The following AFF3 variants were observed in gnomAD, a reference collection of about 807,000 sequenced individuals.
The protein encoded by AFF3 is ALF transcription elongation factor 3.
A neutral mutation model predicts 129.7 loss-of-function variants in AFF3; 32 were observed. That is an observed-to-expected ratio of 0.25 (90% CI 0.19 to 0.33). The LOEUF is 0.33. Ranked by LOEUF, AFF3 falls within the 10% of genes least tolerant of loss-of-function variation. The probability of loss-of-function intolerance (pLI) is 1.00; values close to 1 mark genes in which losing one functional copy is unlikely to be tolerated. For synonymous variants in AFF3, 644 were observed against 635.4 expected (o/e 1.01, Z -0.20); for missense variants, 1,373 against 1,592.0 (o/e 0.86, Z 2.34).
chr2:99,617,784 C>T (rs537366092), intron 13 of AFF3, among the ~76,000 whole-genome samples: 2 of 152,184 alleles, frequency 1.3e-5, no homozygotes, highest in Non-Finnish European at 2.9e-5. Context: ...AGTCCCACCT[C>T]TGAGCCTCAC....
chr2:99,644,422 T>C (rs934702607), intron 13 of AFF3, among the ~76,000 whole-genome samples: 4 of 152,252 alleles, frequency 2.6e-5, no homozygotes, highest in Non-Finnish European at 5.9e-5. Flanking sequence ...GATTTATTCA[T>C]ATAAAATTAT....
intron 7 of AFF3, among the ~76,000 whole-genome samples, chr2:99,948,837 A>T (rs185837569): frequency 6.6e-6 from 1 of 152,304 alleles, no homozygotes; most frequent in African/African-American, 2.4e-5. Context: ...TCACAACAAG[A>T]TCCAATCTTC....
At chr2:100,027,464 A>G (rs1684138382) in intron 4 of AFF3, among the ~76,000 whole-genome samples, 1 of 152,186 alleles carries the variant, frequency 6.6e-6, no homozygotes, top group Admixed American at 6.6e-5. Flanking sequence ...GGCTTCTAGA[A>G]CTTTTTAATT....
chr2:99,746,503 T>C (rs1001872153), intron 9 of AFF3, among the ~76,000 whole-genome samples: 4 of 152,206 alleles, frequency 2.6e-5, no homozygotes, highest in African/African-American at 9.7e-5. Context: ...GCCTGAGTCA[T>C]ATGCAGATGC....
At chr2:100,026,931 G>A (rs1192229819) in intron 4 of AFF3, among the ~76,000 whole-genome samples, 3 of 144,174 alleles carry the variant, frequency 2.1e-5, no homozygotes, top group South Asian at 2.5e-4. Flanking sequence ...GACTTGGGGG[G>A]AAGGGTGGGA....
chr2:99,710,385 T>C (rs1033036588), intron 11 of AFF3, among the ~76,000 whole-genome samples: 2 of 152,116 alleles, frequency 1.3e-5, no homozygotes, highest in South Asian at 4.1e-4. Flanking sequence ...TCTTCCCAAG[T>C]AGCTGGGATT....
At chr2:99,914,614 T>C (rs992598124) in intron 7 of AFF3, among the ~76,000 whole-genome samples, 1 of 152,160 alleles carries the variant, frequency 6.6e-6, no homozygotes, top group African/African-American at 2.4e-5. Flanking sequence ...ACTGAAGTAT[T>C]TGTTAATAAA....
In AFF3 at chr2:100,007,438, G is replaced by A. The variant is rs1337365295; in HGVS notation, c.197C>T (p.Ser66Phe). The A allele has an allele frequency of 1.2e-6, 2 of 1,613,656 alleles. No individual in the cohort carries two copies. Among genetic ancestry groups the A allele is most frequent in the Non-Finnish European group, 1.7e-6 (2 of 1,179,832 alleles). Residue 66 changes from serine to phenylalanine, a missense_variant, in exon 6 of 25, where the codon TCC (serine) becomes TTC (phenylalanine). Ser to Phe is a radical substitution (Grantham distance 155). Transcript: ENST00000672756. ...PYKTNKGDEL[S>F]NRIQNTLGNY... is the part of the protein sequence containing the mutation. ...GCCTAAAGTGTTCTGGATCCGGTTG[G>A]AGAGTTCATCCCCCTTGTTAGTCTG... is the stretch of plus-strand genomic sequence containing the variant.
chr2:99,594,368 T>G, intron 14 of AFF3, 79 bp from the exon 15 acceptor site: 1 of 1,519,172 alleles, frequency 6.6e-7, no homozygotes, highest in Non-Finnish European at 8.8e-7. Context: ...GTTTTTATCT[T>G]GACTTACTTC....
At chr2:99,740,385 C>T (rs919274617) in intron 10 of AFF3, among the ~76,000 whole-genome samples, 1 of 151,484 alleles carries the variant, frequency 6.6e-6, no homozygotes, top group African/African-American at 2.4e-5. Context: ...GAGGAATCGC[C>T]ACACCGACTT....
At chr2:99,678,271 T>C (rs544562940) in intron 11 of AFF3, among the ~76,000 whole-genome samples, 32 of 152,366 alleles carry the variant, frequency 2.1e-4, no homozygotes, top group African/African-American at 7.0e-4. Context: ...ATAACTTCCC[T>C]GTGTGTATTG....
At chr2:99,786,891 C>T (rs374083327) in intron 8 of AFF3, among the ~76,000 whole-genome samples, 6 of 152,080 alleles carry the variant, frequency 3.9e-5, no homozygotes, top group Admixed American at 6.5e-5. Flanking sequence ...TATTGATACA[C>T]ACAGTAATGC....
intron 7 of AFF3, among the ~76,000 whole-genome samples, chr2:99,994,134 C>T (rs1680622612): frequency 1.3e-5 from 2 of 151,972 alleles, no homozygotes; most frequent in African/African-American, 4.8e-5. Flanking sequence ...AAAAAAATTC[C>T]CTGAGCTAGA....
intron 8 of AFF3, among the ~76,000 whole-genome samples, chr2:99,831,386 C>A (rs1688509114): frequency 6.6e-6 from 1 of 152,178 alleles, no homozygotes; most frequent in African/African-American, 2.4e-5. Context: ...AATAAAATTG[C>A]ATTGGTTCTC....
At chr2:99,775,710 G>C (rs1344341055) in intron 8 of AFF3, among the ~76,000 whole-genome samples, 1 of 151,104 alleles carries the variant, frequency 6.6e-6, no homozygotes. Context: ...AAAAACCCAA[G>C]TCAGGATGCC....
intron 1 of AFF3, among the ~76,000 whole-genome samples, chr2:100,141,802 C>A (rs1170548345): frequency 6.6e-6 from 1 of 152,128 alleles, no homozygotes; most frequent in Non-Finnish European, 1.5e-5. Flanking sequence ...TATATATACA[C>A]ACATAAACAC....
chr2:99,603,190 CAG>C (rs1558632832), intron 13 of AFF3, among the ~76,000 whole-genome samples: 19 of 152,002 alleles, frequency 1.2e-4, no homozygotes, highest in Admixed American at 4.6e-4. Context: ...GGGCAAGGCA[CAG>C]TTAGAGCTCA....
chr2:99,572,697 G>A (rs758482566), intron 18 of AFF3: 1 of 454,458 alleles, frequency 2.2e-6, no homozygotes, highest in East Asian at 7.0e-5. Context: ...ATAAGCCCCA[G>A]AGGTGTTAAT....
At chr2:99,643,333 C>T (rs1346083237) in intron 13 of AFF3, among the ~76,000 whole-genome samples, 1 of 152,148 alleles carries the variant, frequency 6.6e-6, no homozygotes, top group East Asian at 1.9e-4. Flanking sequence ...GCTGGGATTA[C>T]AGGCATGAGC....
Sources: gnomAD v4.1 joint callset for allele counts (sites outside exome capture counted in the v4.1 genomes callset) on GRCh38, gnomAD v4.1.1 for gene constraint, MANE v1.5 for transcripts, NCBI Gene and HGNC (gene_info 2026-07-23, HGNC 2026-07-21) for gene names.